The following ICE1 variants were observed in gnomAD, a reference collection of about 807,000 sequenced individuals.
ICE1 encodes the protein little elongation complex subunit 1.
A neutral mutation model predicts 192.7 loss-of-function variants in ICE1; 64 were observed. The observed-to-expected ratio is 0.33, with a 90% CI of 0.27 to 0.41. The LOEUF is 0.41. Among genes scored for constraint, ICE1 ranks in the 10% least tolerant of loss-of-function variants. The pLI, the probability that ICE1 is intolerant of heterozygous loss-of-function variation, is 1.00. For synonymous variants in ICE1, 1,010 were observed against 984.5 expected, an observed-to-expected ratio of 1.03 and a Z score of -0.49; for missense variants, 2,708 against 2,696.0, an observed-to-expected ratio of 1.00 and a Z score of -0.10.
chr5:5,465,648 T>C (rs2111387981), intron 13 of ICE1, among the ~76,000 whole-genome samples: 1 of 152,312 alleles, frequency 6.6e-6, no homozygotes, highest in Non-Finnish European at 1.5e-5. Context: ...TAAATTTAAA[T>C]ATGTAGTTTA....
chr5:5,439,518 A>G (rs1737976085), intron 3 of ICE1, among the ~76,000 whole-genome samples: 1 of 152,198 alleles, frequency 6.6e-6, no homozygotes, highest in South Asian at 2.1e-4. Flanking sequence ...GTTTGCTGGA[A>G]TTATTCTCTG....
intron 1 of ICE1, 30 bp downstream of exon 1, chr5:5,423,029 G>C (rs890482515): frequency 1.4e-5 from 18 of 1,326,824 alleles, no homozygotes; most frequent in South Asian, 5.6e-5. Flanking sequence ...CCCGGGCGCG[G>C]GGGGGGACTC....
At chr5:5,471,007 A>C (rs981544085) in intron 15 of ICE1, among the ~76,000 whole-genome samples, 1 of 152,226 alleles carries the variant, frequency 6.6e-6, no homozygotes, top group Non-Finnish European at 1.5e-5. Flanking sequence ...CATTAGAAAT[A>C]TGACAAGGGA....
chr5:5,439,943 A>G, intron 4 of ICE1, 30 bp downstream of exon 4: 1 of 1,506,778 alleles, frequency 6.6e-7, no homozygotes, highest in Non-Finnish European at 9.0e-7. Flanking sequence ...AGTTTATGAT[A>G]CCACCTATAT....
intron 3 of ICE1, among the ~76,000 whole-genome samples, chr5:5,439,199 ATTAAT>A (rs1433679317): frequency 2.6e-5 from 4 of 152,150 alleles, no homozygotes; most frequent in African/African-American, 9.6e-5. Flanking sequence ...TTTTGCAAAG[ATTAAT>A]TTAGGATGAA....
At chr5:5,474,100 C>T in intron 16 of ICE1, among the ~76,000 whole-genome samples, 1 of 151,724 alleles carries the variant, frequency 6.6e-6, no homozygotes, top group East Asian at 1.9e-4. Context: ...GTCCCAGTTA[C>T]TCGGGAGGCT....
intron 17 of ICE1, among the ~76,000 whole-genome samples, chr5:5,483,035 AGCTG>A (rs1561101494): frequency 6.6e-6 from 1 of 152,068 alleles, no homozygotes; most frequent in East Asian, 1.9e-4. Context: ...TTGTTGCCCA[AGCTG>A]GAGTGCAATG....
Position 5,461,621 on chromosome 5 carries a change from CTAAA to C in ICE1, c.2291_2294del (p.Asn764SerfsTer7). 6.2e-7 allele frequency: 1 copy of C among 1,613,414 alleles called. No individual in the cohort carries two copies. Among genetic ancestry groups the C allele is most frequent in the South Asian group, 1.1e-5 (1 of 90,924 alleles). On this transcript the variant is annotated frameshift_variant, in exon 13 of 19. Coordinates refer to ENST00000296564, the MANE Select transcript of ICE1 (RefSeq NM_015325.3). LOFTEE classifies it high-confidence loss of function. ...TCAAGATCCAAGAATTGAGCTCACA[CTAAA>C]TAAGCCAGATTTCACATCATTAATA...
In ICE1 at chr5:5,447,763, G is replaced by A. The variant is rs1314147367; in HGVS notation, c.547+3G>A. 2.5e-6 allele frequency: 4 copies of A among 1,583,360 alleles called. No homozygotes were observed. The highest frequency in any genetic ancestry group is 1.1e-5 in the South Asian group (1 of 86,974). ...TTCTAAACAGAAAAATGAAAAGGGT[G>A]AGTATTCAGTTAATGCTTACATAAA... On this transcript the variant is annotated splice_donor_region_variant and intron_variant, in intron 9 of 18. Transcript: ENST00000296564.
intron 1 of ICE1, among the ~76,000 whole-genome samples, chr5:5,431,610 C>T (rs909346288): frequency 6.6e-6 from 1 of 152,154 alleles, no homozygotes; most frequent in Admixed American, 6.5e-5. Context: ...TCTAGTTTTT[C>T]GTGTTGGTGT....
In ICE1 at chr5:5,462,037, A is replaced by G. The variant is rs747992982; in HGVS notation, c.2703A>G (p.Val901=). ...NSGNKTGMST[V]AKCDGERDDT... Reference sequence around the variant, plus strand: ...GCAACAAAACCGGTATGTCAACTGTAGCAAAATGTGATGGGGAAAGAGATG... The same window carrying G: ...GCAACAAAACCGGTATGTCAACTGTGGCAAAATGTGATGGGGAAAGAGATG... Residue 901 remains valine (V), a synonymous_variant, in exon 13 of 19, where the codon GTA becomes GTG. Transcript: ENST00000296564. 1 of 1,613,984 alleles carries G rather than the reference A, an allele frequency of 6.2e-7. No individual in the cohort carries two copies. Among genetic ancestry groups the G allele is most frequent in the Non-Finnish European group, 8.5e-7 (1 of 1,179,888 alleles).
Position 5,457,567 on chromosome 5 carries a change from A to C in ICE1, c.927A>C (p.Gln309His). 6.2e-7 allele frequency: 1 copy of C among 1,614,006 alleles called. No individual in the cohort carries two copies. Among genetic ancestry groups the C allele is most frequent in the Non-Finnish European group, 8.5e-7 (1 of 1,179,886 alleles). ...NENGNLEVLVQSHRDGGSTEF... is the reference protein window; with the variant it reads ...NENGNLEVLVHSHRDGGSTEF... The stretch of plus-strand genomic sequence containing the variant: ...ATGGAAATCTTGAGGTTTTAGTACA[A>C]AGTCATCGTGACGGTGGTAGTACTG... The change falls in exon 12 of 19, where the codon CAA becomes CAC. Residue 309 changes from glutamine to histidine, a missense_variant. Gln to His is a conservative substitution (Grantham distance 24). Coordinates refer to ENST00000296564, the MANE Select transcript of ICE1 (RefSeq NM_015325.3).
intron 15 of ICE1, 47 bp downstream of exon 15, chr5:5,469,035 TATA>T (rs1487623135): frequency 8.1e-7 from 1 of 1,240,922 alleles, no homozygotes; most frequent in East Asian, 2.7e-5. Flanking sequence ...TTAGATATTA[TATA>T]AATGTTAATT....
chr5:5,471,646 A>G (rs1221904877), intron 15 of ICE1, among the ~76,000 whole-genome samples: 1 of 152,162 alleles, frequency 6.6e-6, no homozygotes, highest in Non-Finnish European at 1.5e-5. Flanking sequence ...AAATCAATAC[A>G]TTACTAAATT....
At chr5:5,486,442 A>G (rs1422336203) in intron 17 of ICE1, among the ~76,000 whole-genome samples, 2 of 152,340 alleles carry the variant, frequency 1.3e-5, no homozygotes, top group East Asian at 3.9e-4. Context: ...CCAAAAATAC[A>G]TATTTTGGTG....
In ICE1 at chr5:5,465,111, C is replaced by A; in HGVS notation, c.5777C>A (p.Ser1926Tyr). 1 of 1,612,980 alleles carries A rather than the reference C, an allele frequency of 6.2e-7. No homozygotes were observed. ...ANALKKIAEFSFDLLPVIRSH... is the reference protein window; with the variant it reads ...ANALKKIAEFYFDLLPVIRSH... ...GCCCTGAAGAAAATTGCAGAGTTTT[C>A]TTTTGATCTGTTACCTGTCATTCGT... Residue 1926 changes from serine to tyrosine, a missense_variant, in exon 13 of 19, where the codon TCT (serine) becomes TAT (tyrosine). Transcript: ENST00000296564.
intron 13 of ICE1, among the ~76,000 whole-genome samples, chr5:5,465,626 A>G (rs1172074469): frequency 1.3e-5 from 2 of 152,138 alleles, no homozygotes; most frequent in Non-Finnish European, 2.9e-5. Flanking sequence ...GAGAGGGAAA[A>G]AAGGGATGGT....
intron 6 of ICE1, 46 bp from the exon 7 acceptor site, chr5:5,444,243 C>A: frequency 7.7e-7 from 1 of 1,299,886 alleles, no homozygotes; most frequent in Non-Finnish European, 1.1e-6. Context: ...ATATTTTTTC[C>A]TATTCTCTCT....
chr5:5,450,125 G>T (rs146999407), intron 10 of ICE1, among the ~76,000 whole-genome samples: 5 of 152,204 alleles, frequency 3.3e-5, no homozygotes, highest in African/African-American at 1.2e-4. Context: ...AGCAACAGAC[G>T]CAAGAAGACT....
Sources: gnomAD v4.1 joint callset for allele counts (sites outside exome capture counted in the v4.1 genomes callset) on GRCh38, gnomAD v4.1.1 for gene constraint, MANE v1.5 for transcripts, NCBI Gene and HGNC (gene_info 2026-07-23, HGNC 2026-07-21) for gene names.